Variants in XRN1 observed in about 807,000 individuals in gnomAD.
XRN1 encodes the protein 5'-3' exoribonuclease 1, also known as strand-exchange protein 1 homolog.
In XRN1, 67 loss-of-function variants were observed where a neutral mutation model predicts 222.3. That is an observed-to-expected ratio of 0.30 (90% confidence interval 0.25 to 0.37). XRN1 has a LOEUF of 0.37. XRN1 is among the 10% of genes least tolerant of loss of function. XRN1 has a pLI of 1.00. For missense variants in XRN1, 1,707 were observed against 2,000.2 expected, an observed-to-expected ratio of 0.85 and a Z score of 2.80; for synonymous variants, 643 against 652.4, an observed-to-expected ratio of 0.99 and a Z score of 0.22.
chr3:142,347,376 T>A, intron 32 of XRN1, 34 bp from the exon 33 acceptor site: 1 of 1,330,228 alleles, frequency 7.5e-7, no homozygotes, highest in Non-Finnish European at 1.0e-6. Context: ...TTAAACAAAA[T>A]CTTAATATTA....
intron 12 of XRN1, chr3:142,418,251 T>A: frequency 2.7e-6 from 1 of 374,498 alleles, no homozygotes; most frequent in Non-Finnish European, 4.7e-6. Context: ...TTTTTTACTA[T>A]TATAAACAAC....
chr3:142,324,128 G>C (rs1378327042), intron 37 of XRN1, among the ~76,000 whole-genome samples: 1 of 150,290 alleles, frequency 6.7e-6, no homozygotes, highest in Non-Finnish European at 1.5e-5. Flanking sequence ...TAAGTTTTAG[G>C]GTACATGTGC....
At chr3:142,348,664 C>A (rs1228595162) in intron 32 of XRN1, among the ~76,000 whole-genome samples, 1 of 152,176 alleles carries the variant, frequency 6.6e-6, no homozygotes, top group Non-Finnish European at 1.5e-5. Flanking sequence ...CAAATGGACA[C>A]TGGGTACAAA....
Position 142,333,700 on chromosome 3 carries a change from T to C in XRN1, c.3940-611A>G, listed in dbSNP as rs891606537. On this transcript the variant is annotated intron_variant, in intron 34 of 40. Transcript: ENST00000392981. The stretch of plus-strand genomic sequence containing the variant: ...AGGTAATTAAGTTTAGATGAGGTCT[T>C]TAGGGTGCAACATCCATGATGGTAT... 3.9e-5 allele frequency among the ~76,000 whole-genome samples: 6 copies of C among 152,250 alleles called. 1 individual carries two copies. The highest frequency in any genetic ancestry group is 3.3e-4 in the Admixed American group (5 of 15,284).
chr3:142,445,377 T>C (rs191861183), intron 1 of XRN1, among the ~76,000 whole-genome samples: 1 of 152,318 alleles, frequency 6.6e-6, no homozygotes, highest in East Asian at 1.9e-4. Context: ...TCATTGCAAG[T>C]TTTTATGTCT....
chr3:142,333,050 T>C lies in XRN1; in HGVS notation c.3979A>G (p.Ile1327Val), dbSNP rs1284345192. 1.2e-6 allele frequency: 2 copies of C among 1,613,398 alleles called. No homozygotes were observed. The highest frequency in any genetic ancestry group is 2.2e-5 in the East Asian group (1 of 44,786). ...GACTGTACTTCATTTTCTTTGGAGATATTCAAAGATGCTAAAAAGTTCTCA... is the reference window on the plus strand; with the variant it reads ...GACTGTACTTCATTTTCTTTGGAGACATTCAAAGATGCTAAAAAGTTCTCA... ...GIENFLASLNISKENEVQSSH... is the reference protein window; with the variant it reads ...GIENFLASLNVSKENEVQSSH... Residue 1327 changes from isoleucine to valine, a missense_variant, in exon 35 of 41, where the codon ATC becomes GTC. By Grantham distance (29) the Ile-to-Val change is conservative. Transcript: ENST00000392981.
rs2067630162 is a variant in XRN1 at position 142,389,360 on chromosome 3, A to G, written c.2340-4675T>C. ...ACATCTGCAGTTACTTCCTCCACTG[A>G]AGTTTTGAACCTCTCAAAGTCATAT... On this transcript the variant is annotated intron_variant, in intron 20 of 40. Transcript: ENST00000392981. 2.6e-5 allele frequency among the ~76,000 whole-genome samples: 4 copies of G among 152,132 alleles called. No individual in the cohort carries two copies. In the South Asian group the frequency reaches 8.3e-4, roughly 32 times the overall value.
intron 31 of XRN1, among the ~76,000 whole-genome samples, chr3:142,356,070 A>C (rs967625286): frequency 2.0e-5 from 3 of 152,314 alleles, no homozygotes; most frequent in Admixed American, 2.0e-4. Context: ...TTTAAAGCAT[A>C]ACAAACACTA....
chr3:142,432,178 G>A (rs868428027), intron 2 of XRN1, among the ~76,000 whole-genome samples: 2 of 96,126 alleles, frequency 2.1e-5, no homozygotes, highest in South Asian at 2.7e-4. Flanking sequence ...TATATAAAAT[G>A]TTTTATATAT....
rs147473202 is a variant in XRN1 at position 142,337,022 on chromosome 3, T to C, written c.3878-1513A>G. ...AAAACCACAAAATTTTTTTTGAAAA[T>C]AGCTTTTTAGAAAAATGTTTAAAAG... is the stretch of plus-strand genomic sequence containing the variant. On this transcript the variant is annotated intron_variant, in intron 33 of 40. Transcript: ENST00000392981. Among the ~76,000 whole-genome samples the C allele has an allele frequency of 5.0e-3, 761 of 152,148 alleles. 9 individuals are homozygous for C. The highest frequency in any genetic ancestry group is 0.018 in the African/African-American group (740 of 41,518).
chr3:142,445,352 T>C (rs1029873596), intron 1 of XRN1, among the ~76,000 whole-genome samples: 9 of 152,220 alleles, frequency 5.9e-5, no homozygotes, highest in Admixed American at 4.6e-4. Flanking sequence ...TTGGTCTATT[T>C]TGTGTGCATT....
chr3:142,341,335 G>C (rs2065988439), intron 33 of XRN1, among the ~76,000 whole-genome samples: 1 of 152,038 alleles, frequency 6.6e-6, no homozygotes, highest in Non-Finnish European at 1.5e-5. Flanking sequence ...CACACCACTA[G>C]TGAAAATCAC....
intron 39 of XRN1, among the ~76,000 whole-genome samples, chr3:142,316,430 A>G (rs1404743244): frequency 6.6e-6 from 1 of 151,968 alleles, no homozygotes; most frequent in African/African-American, 2.4e-5. Flanking sequence ...CATGTTGCCC[A>G]GGCTGTTTTG....
Position 142,318,917 on chromosome 3 carries a change from A to G in XRN1, c.4405-14T>C. ...AACGGTCATTGTCTAAAAAAAGAGA[A>G]TATATATGTCTATGAAATTCTCTGT... On this transcript the variant is annotated splice_polypyrimidine_tract_variant and intron_variant, in intron 37 of 40. Coordinates refer to ENST00000392981, the MANE Select transcript of XRN1 (RefSeq NM_001282857.2). 1 of 1,600,908 alleles carries G rather than the reference A, an allele frequency of 6.2e-7. No individual in the cohort carries two copies. The highest frequency in any genetic ancestry group is 1.3e-5 in the African/African-American group (1 of 74,712).
intron 13 of XRN1, among the ~76,000 whole-genome samples, chr3:142,415,266 A>C (rs2068738773): frequency 6.6e-6 from 1 of 152,174 alleles, no homozygotes. Flanking sequence ...TATGCTTCTA[A>C]TGTTTGAGTC....
At chr3:142,333,266 T>C (rs1013904713) in intron 34 of XRN1, among the ~76,000 whole-genome samples, 177 bp from the exon 35 acceptor site, 13 of 152,214 alleles carry the variant, frequency 8.5e-5, no homozygotes, top group African/African-American at 3.1e-4. Context: ...AGCATTTGGA[T>C]AACCAGTCAC....
intron 36 of XRN1, 26 bp downstream of exon 36, chr3:142,332,349 T>C: frequency 6.7e-7 from 1 of 1,484,954 alleles, no homozygotes; most frequent in Non-Finnish European, 9.2e-7. Flanking sequence ...AATGATATTA[T>C]TGGTAATAGT....
intron 25 of XRN1, among the ~76,000 whole-genome samples, chr3:142,372,585 G>A (rs561590545): frequency 1.3e-4 from 20 of 152,270 alleles, no homozygotes; most frequent in Admixed American, 9.2e-4. Flanking sequence ...ATTGATTTGC[G>A]GCTGTTGTGG....
chr3:142,423,575 C>T lies in XRN1; in HGVS notation c.695G>A (p.Gly232Asp), dbSNP rs1311447570. Residue 232 changes from glycine (G) to aspartate (D), a missense_variant, in exon 6 of 41, where the codon GGC becomes GAC. Gly to Asp is a moderately conservative substitution (Grantham distance 94). Coordinates refer to ENST00000392981, the MANE Select transcript of XRN1 (RefSeq NM_001282857.2). The part of the protein sequence containing the change: ...SLLREEVRFG[G>D]KKTQRVCAPE... ...TATAATTTACCGTTGTGTTTTTTTG[C>T]CACCAAATCGAACTTCTTCTCTTAA... The T allele has an allele frequency of 3.1e-6, 5 of 1,598,402 alleles. No individual in the cohort carries two copies. The highest frequency in any genetic ancestry group is 3.4e-6 in the Non-Finnish European group (4 of 1,174,156).
Sources: gnomAD v4.1 joint callset for allele counts (sites outside exome capture counted in the v4.1 genomes callset) on GRCh38, gnomAD v4.1.1 for gene constraint, MANE v1.5 for transcripts, NCBI Gene and HGNC (gene_info 2026-07-23, HGNC 2026-07-21) for gene names.